The following PCNX4 variants were observed in gnomAD, a reference collection of about 807,000 sequenced individuals.
PCNX4 encodes pecanex-like protein 4.
In PCNX4, 103 loss-of-function variants were observed where a neutral mutation model predicts 107.2. The observed-to-expected ratio is 0.96, with a 90% CI of 0.82 to 1.13. The LOEUF is 1.13. Among genes scored for constraint, PCNX4 ranks in the 50% most tolerant of loss-of-function variants. The pLI, the probability that PCNX4 is intolerant of heterozygous loss-of-function variation, is 0.00. For missense variants in PCNX4, 1,528 were observed against 1,379.4 expected (o/e 1.11, Z -1.71); for synonymous variants, 541 against 481.7 (o/e 1.12, Z -1.61).
chr14:60,124,018 A>G (rs756780722), intron 8 of PCNX4, among the ~76,000 whole-genome samples, 200 bp from the exon 9 acceptor site: 1 of 152,114 alleles, frequency 6.6e-6, no homozygotes, highest in Admixed American at 6.6e-5. Flanking sequence ...TAATAGTAGC[A>G]TTATTTTTAA....
At chr14:60,095,167 A>G (rs1009634039) in intron 1 of PCNX4, among the ~76,000 whole-genome samples, 4 of 152,188 alleles carry the variant, frequency 2.6e-5, no homozygotes, top group African/African-American at 9.7e-5. Context: ...AAAGGGCAGG[A>G]TGTTGAGAAG....
intron 10 of PCNX4, among the ~76,000 whole-genome samples, chr14:60,127,556 G>A (rs979545240): frequency 6.6e-5 from 10 of 152,298 alleles, no homozygotes; most frequent in African/African-American, 2.4e-4. Flanking sequence ...GCAGGGTATG[G>A]TAGGGAGCAG....
intron 8 of PCNX4, among the ~76,000 whole-genome samples, chr14:60,123,954 A>C (rs1595175214): frequency 6.6e-6 from 1 of 152,110 alleles, no homozygotes; most frequent in South Asian, 2.1e-4. Context: ...AATTATATTC[A>C]TACCTACTAA....
At chr14:60,094,090 G>A (rs1026087448) in intron 1 of PCNX4, among the ~76,000 whole-genome samples, 2 of 151,950 alleles carry the variant, frequency 1.3e-5, no homozygotes, top group African/African-American at 2.4e-5. Context: ...TCTTTATATA[G>A]TCTAGCTATA....
intron 1 of PCNX4, among the ~76,000 whole-genome samples, chr14:60,105,648 A>G (rs1352120872): frequency 6.6e-6 from 1 of 152,230 alleles, no homozygotes; most frequent in Non-Finnish European, 1.5e-5. Context: ...TGTTTGGAAT[A>G]TAATCATAGA....
chr14:60,111,325 T>C (rs1474602877), intron 2 of PCNX4, among the ~76,000 whole-genome samples: 1 of 152,200 alleles, frequency 6.6e-6, no homozygotes, highest in Non-Finnish European at 1.5e-5. Context: ...CAGAGGACAA[T>C]GTAATGCCCA....
At position 60,124,502 on chromosome 14, in the gene PCNX4, C is replaced by T. The variant is rs1896011978; in HGVS notation, c.2331C>T (p.Gly777=). The T allele has an allele frequency of 6.2e-7, 1 of 1,613,618 alleles. No homozygotes were observed. The highest frequency in any genetic ancestry group is 1.3e-5 in the African/African-American group (1 of 74,884). Residue 777 remains glycine (G), a synonymous_variant, in exon 9 of 11, where the codon GGC becomes GGT. Coordinates refer to ENST00000406854, the MANE Select transcript of PCNX4 (RefSeq NM_001330177.2). ...ILVQYCSKRP[G]MKENVHNTEN... is the part of the protein sequence containing the mutation. ...TTCAATACTGCTCCAAAAGGCCTGG[C>T]ATGAAAGAGAATGTTCACAACACTG... is the stretch of plus-strand genomic sequence containing the variant.
intron 10 of PCNX4, among the ~76,000 whole-genome samples, chr14:60,128,668 G>A (rs575726808): frequency 7.2e-5 from 11 of 152,010 alleles, no homozygotes; most frequent in Non-Finnish European, 1.6e-4. Flanking sequence ...CACCAATAAA[G>A]GTAACTGTGT....
chr14:60,101,563 T>C (rs1041160476), intron 1 of PCNX4, among the ~76,000 whole-genome samples: 1 of 152,170 alleles, frequency 6.6e-6, no homozygotes, highest in African/African-American at 2.4e-5. Flanking sequence ...TCACCTGTTA[T>C]GATGACTACT....
chr14:60,116,362 T>C (rs1895848790), intron 6 of PCNX4, among the ~76,000 whole-genome samples: 1 of 152,214 alleles, frequency 6.6e-6, no homozygotes, highest in Non-Finnish European at 1.5e-5. Flanking sequence ...TCTTTCACTT[T>C]TATGTTTTCA....
At chr14:60,101,689 TCA>T (rs1481725074) in intron 1 of PCNX4, among the ~76,000 whole-genome samples, 1 of 91,552 alleles carries the variant, frequency 1.1e-5, no homozygotes, top group Non-Finnish European at 2.8e-5. Flanking sequence ...TGGAGGTTTC[TCA>T]AAATATAAAA....
intron 2 of PCNX4, among the ~76,000 whole-genome samples, chr14:60,112,284 A>G (rs544558620): frequency 6.6e-6 from 1 of 152,286 alleles, no homozygotes; most frequent in South Asian, 2.1e-4. Flanking sequence ...TGGCATGTGG[A>G]TCTTAGTGAG....
intron 7 of PCNX4, 68 bp from the exon 8 acceptor site, chr14:60,121,128 A>G (rs1440461104): frequency 4.0e-6 from 6 of 1,515,100 alleles, no homozygotes; most frequent in South Asian, 2.6e-5. Flanking sequence ...GAAGATTCAC[A>G]TGGCAAAATA....
In PCNX4 at chr14:60,133,275, T is replaced by A. The variant is rs545711284; in HGVS notation, c.3268-695T>A. Among the ~76,000 whole-genome samples the A allele has an allele frequency of 4.8e-4, 73 of 152,316 alleles. 1 individual carries two copies. In the Middle Eastern group the frequency reaches 0.02, roughly 43 times the overall value. On this transcript the variant is annotated intron_variant, in intron 10 of 10. Coordinates refer to ENST00000406854, the MANE Select transcript of PCNX4 (RefSeq NM_001330177.2). ...TCTGCCATAAAAAGGAATACGGTAC[T>A]GATACATGCTACAACATAGATGAAC... is the stretch of plus-strand genomic sequence containing the variant.
rs1280692773 is a variant in PCNX4 at position 60,124,961 on chromosome 14, C to A, written c.2790C>A (p.Ser930Arg). The A allele has an allele frequency of 6.2e-7, 1 of 1,613,706 alleles. No homozygotes were observed. The highest frequency in any genetic ancestry group is 8.5e-7 in the Non-Finnish European group (1 of 1,179,788). Reference sequence around the variant, plus strand: ...CCAGTTCCAAAATGAAGGAGATGAGCTCGTTATTTCCAGAAGACTGGTACC... The same window carrying A: ...CCAGTTCCAAAATGAAGGAGATGAGATCGTTATTTCCAGAAGACTGGTACC... ...CMPSSKMKEMSSLFPEDWYQF... is the reference protein window; with the variant it reads ...CMPSSKMKEMRSLFPEDWYQF... Residue 930 changes from serine to arginine, a missense_variant, in exon 9 of 11, where the codon AGC becomes AGA. By Grantham distance (110) the Ser-to-Arg change is moderately radical (BLOSUM62 -1). Coordinates refer to ENST00000406854, the MANE Select transcript of PCNX4 (RefSeq NM_001330177.2).
rs1896215108 is a variant in PCNX4, at chr14:60,134,644, CATA to C, written c.*426_*428del. ...GATAATGGATCCTGTTGAAGGTTAACATAATGTGTATATATTTGTTTGAAATAT... is the reference window on the plus strand; with the variant it reads ...GATAATGGATCCTGTTGAAGGTTAACATGTGTATATATTTGTTTGAAATAT... On this transcript the variant is annotated 3_prime_UTR_variant, in exon 11 of 11. Transcript: ENST00000406854. 1 of 158,424 alleles carries C rather than the reference CATA, an allele frequency of 6.3e-6. No individual in the cohort carries two copies. The highest frequency in any genetic ancestry group is 1.9e-4 in the South Asian group (1 of 5,282). The allele number at this position is 158,424 out of a possible 1,614,324, so 9.8% of individuals were successfully genotyped here.
At position 60,107,694 on chromosome 14, in the gene PCNX4, G is replaced by A. The variant is rs185947857; in HGVS notation, c.56G>A (p.Arg19His). The A allele has an allele frequency of 9.8e-5, 158 of 1,612,818 alleles. 1 individual carries two copies. The East Asian group carries it at 2.0e-3, about 20-fold the overall frequency. Residue 19 changes from arginine to histidine, a missense_variant, in exon 2 of 11, where the codon CGC becomes CAC. Arg to His is a conservative substitution (Grantham distance 29). Transcript: ENST00000406854. ...TACAAGCAGGACTTCTTTCTGAAGC[G>A]CTTTCCACAGACTGTTCTTGGAGGC... ...NDYKQDFFLK[R>H]FPQTVLGGPR...
intron 1 of PCNX4, among the ~76,000 whole-genome samples, chr14:60,098,149 G>C (rs979987099): frequency 1.3e-5 from 2 of 152,032 alleles, no homozygotes; most frequent in African/African-American, 4.8e-5. Context: ...CCGGACCAGA[G>C]ACATGCCAGC....
intron 1 of PCNX4, among the ~76,000 whole-genome samples, chr14:60,092,707 G>A (rs1015928550): frequency 6.6e-6 from 1 of 152,116 alleles, no homozygotes; most frequent in African/African-American, 2.4e-5. Flanking sequence ...ACACCCACCC[G>A]GAGCTGTGTC....
Sources: gnomAD v4.1 joint callset for allele counts (sites outside exome capture counted in the v4.1 genomes callset) on GRCh38, gnomAD v4.1.1 for gene constraint, MANE v1.5 for transcripts, NCBI Gene and HGNC (gene_info 2026-07-23, HGNC 2026-07-21) for gene names.